PRKCZ: variants seen among roughly 807,000 people sequenced by gnomAD.
The protein encoded by PRKCZ is protein kinase C zeta.
In PRKCZ, 33 loss-of-function variants were observed where a neutral mutation model predicts 79.5. The observed-to-expected ratio is 0.41, with a 90% CI of 0.31 to 0.55. PRKCZ has a LOEUF of 0.55. PRKCZ is among the 20% of genes least tolerant of loss of function. PRKCZ has a pLI of 0.19. For missense variants in PRKCZ, 578 were observed against 813.5 expected, an observed-to-expected ratio of 0.71 and a Z score of 3.52; for synonymous variants, 342 against 320.9, an observed-to-expected ratio of 1.07 and a Z score of -0.70.
intron 10 of PRKCZ, among the ~76,000 whole-genome samples, chr1:2,157,519 G>C (rs1200524259): frequency 6.6e-6 from 1 of 152,030 alleles, no homozygotes; most frequent in East Asian, 1.9e-4. Flanking sequence ...CTGGGTTCAA[G>C]CAATTCTCCT....
At chr1:2,104,904 C>G in intron 4 of PRKCZ, 2 of 985,434 alleles carry the variant, frequency 2.0e-6, no homozygotes, top group Non-Finnish European at 2.4e-6. Flanking sequence ...GGGTGAGTAG[C>G]CTTTATTCTT....
At position 2,173,975 on chromosome 1, in the gene PRKCZ, C is replaced by G. The variant is rs981297243; in HGVS notation, c.1364C>G (p.Thr455Ser). Residue 455 changes from threonine (T) to serine (S), a missense_variant, in exon 14 of 18, where the codon ACC (threonine) becomes AGC (serine). Coordinates refer to ENST00000378567, the MANE Select transcript of PRKCZ (RefSeq NM_002744.6). This position sits in a 1 kb window ranked among gnomAD's most constrained non-coding sequence, Gnocchi z 5.7. ...GGGCGCTCCCCGTTCGACATCATCA[C>G]CGACAACCCGGACATGAACACAGAG... ...MAGRSPFDII[T>S]DNPDMNTEDY... 6.2e-7 allele frequency: 1 copy of G among 1,612,718 alleles called. No individual in the cohort carries two copies. Among genetic ancestry groups the G allele is most frequent in the African/African-American group, 1.3e-5 (1 of 74,880 alleles).
chr1:2,056,397 C>A, intron 2 of PRKCZ, 87 bp from the exon 3 acceptor site: 1 of 1,229,544 alleles, frequency 8.1e-7, no homozygotes, highest in East Asian at 2.6e-5. Flanking sequence ...CCCACCAGAC[C>A]CTTGTCTGGT....
At chr1:2,095,925 T>C (rs1421918953) in intron 4 of PRKCZ, among the ~76,000 whole-genome samples, 1 of 96,080 alleles carries the variant, frequency 1.0e-5, no homozygotes, top group Admixed American at 1.2e-4. Flanking sequence ...CTCCCCTCCC[T>C]TCCCCTCTCC....
chr1:2,145,919 TAA>T, intron 6 of PRKCZ, 106 bp from the exon 7 acceptor site: 2 of 938,134 alleles, frequency 2.1e-6, no homozygotes, highest in Non-Finnish European at 3.3e-6. Flanking sequence ...ACCCTGTCTG[TAA>T]AAAAAAGTTC....
At chr1:2,119,352 T>G (rs1671399204) in intron 4 of PRKCZ, among the ~76,000 whole-genome samples, 1 of 151,840 alleles carries the variant, frequency 6.6e-6, no homozygotes, top group African/African-American at 2.4e-5. Flanking sequence ...GTAGCTGGGA[T>G]TACAGGTGCC....
intron 16 of PRKCZ, among the ~76,000 whole-genome samples, chr1:2,183,393 C>CA (rs917976225): frequency 1.7e-4 from 25 of 149,490 alleles, no homozygotes; most frequent in African/African-American, 4.4e-4. Context: ...GACTCCATCT[C>CA]AAAAAAAAAG....
rs894994103 is a variant in PRKCZ, at chr1:2,125,979, G to A, written c.335-9283G>A. On this transcript the variant is annotated intron_variant, in intron 4 of 17. Transcript: ENST00000378567. This position sits in a 1 kb window ranked among gnomAD's most constrained non-coding sequence, Gnocchi z 4.2. ...GAGAGAGTCGGGCAGCTGAATTCCC[G>A]CAGGTGGGAATGCCAGGGCCCGAGG... 1.3e-5 allele frequency among the ~76,000 whole-genome samples: 2 copies of A among 152,162 alleles called. No homozygotes were observed. The highest frequency in any genetic ancestry group is 2.4e-5 in the African/African-American group (1 of 41,450).
chr1:2,052,370 C>T (rs1345192041), intron 1 of PRKCZ, among the ~76,000 whole-genome samples: 1 of 151,608 alleles, frequency 6.6e-6, no homozygotes, highest in Non-Finnish European at 1.5e-5. Context: ...AGAGACCAGG[C>T]TCCCACCCCT....
Position 2,094,769 on chromosome 1 carries a change from G to A in PRKCZ, c.334+35178G>A, listed in dbSNP as rs1472844712. Among the ~76,000 whole-genome samples the A allele has an allele frequency of 9.9e-5, 15 of 152,138 alleles. No individual in the cohort carries two copies. The highest frequency in any genetic ancestry group is 2.4e-4 in the African/African-American group (10 of 41,382). On this transcript the variant is annotated intron_variant, in intron 4 of 17. Coordinates refer to ENST00000378567, the MANE Select transcript of PRKCZ (RefSeq NM_002744.6). The surrounding 1 kb of genome is among the most constrained non-coding windows in gnomAD (Gnocchi z 7.3). ...GTGCCCGGCTCGTTGAACCTTGGGC[G>A]CTGCCCGTTCTGAGGCGTCTGCTGT...
intron 16 of PRKCZ, among the ~76,000 whole-genome samples, chr1:2,176,809 G>T (rs1685585145): frequency 6.6e-6 from 1 of 152,216 alleles, no homozygotes; most frequent in Non-Finnish European, 1.5e-5. Flanking sequence ...GACCGTGGGG[G>T]AAGGTGGGGA....
At chr1:2,156,281 C>G in intron 10 of PRKCZ, 189 bp downstream of exon 10, 2 of 538,570 alleles carry the variant, frequency 3.7e-6, no homozygotes, top group South Asian at 4.1e-5. Flanking sequence ...ATTTCATGAT[C>G]TGAAGTTATT....
At chr1:2,104,881 A>C in intron 4 of PRKCZ, 1 of 985,494 alleles carries the variant, frequency 1.0e-6, no homozygotes, top group Non-Finnish European at 1.2e-6. Context: ...CAGAGAGAGA[A>C]GAGCAGTTTT....
chr1:2,055,690 C>T (rs551724400), intron 2 of PRKCZ, 128 bp downstream of exon 2: 20 of 1,373,248 alleles, frequency 1.5e-5, no homozygotes, highest in African/African-American at 5.9e-5. Flanking sequence ...AACTTGTTGG[C>T]GCCAACTTTT....
At chr1:2,050,869 G>GCGGACAGGT (rs2102178388) in intron 1 of PRKCZ, 168 bp downstream of exon 1, 1 of 417,506 alleles carries the variant, frequency 2.4e-6, no homozygotes, top group South Asian at 1.3e-4. Context: ...AGCGTCACCC[G>GCGGACAGGT]CGGACACGTC....
intron 16 of PRKCZ, chr1:2,184,090 C>T (rs1687156852): frequency 6.5e-6 from 1 of 153,430 alleles, no homozygotes; most frequent in Non-Finnish European, 1.5e-5. Context: ...CATTTTCCTG[C>T]CAAGCAGCAC....
intron 4 of PRKCZ, among the ~76,000 whole-genome samples, chr1:2,129,772 T>C (rs983235447): frequency 1.3e-5 from 2 of 152,302 alleles, no homozygotes; most frequent in Admixed American, 6.5e-5. Context: ...TCAGCCTCCA[T>C]AGGCGAGTAG....
In PRKCZ at chr1:2,161,854, C is replaced by T. The variant is rs139110011; in HGVS notation, c.974+5762C>T. Among the ~76,000 whole-genome samples, 358 of 152,100 alleles carry T rather than the reference C, an allele frequency of 2.4e-3. 1 individual carries two copies. Among genetic ancestry groups the T allele is most frequent in the African/African-American group, 8.1e-3 (335 of 41,484 alleles). On this transcript the variant is annotated intron_variant, in intron 10 of 17. Transcript: ENST00000378567. ...GCAGCCCTGGAGCCACCTGGAGTCT[C>T]CTTAGTTGAAGGAACTTTCAGGACC...
chr1:2,180,257 C>T (rs1289895574), intron 16 of PRKCZ, among the ~76,000 whole-genome samples: 1 of 152,060 alleles, frequency 6.6e-6, no homozygotes, highest in African/African-American at 2.4e-5. Context: ...GTGGGTGGAT[C>T]CTCGGTGGGG....
Sources: gnomAD v4.1 joint callset for allele counts (sites outside exome capture counted in the v4.1 genomes callset) on GRCh38, gnomAD v4.1.1 for gene constraint, Gnocchi (gnomAD v3.1) non-coding constraint, MANE v1.5 for transcripts, NCBI Gene and HGNC (gene_info 2026-07-23, HGNC 2026-07-21) for gene names.